SEMA5A: variants seen among roughly 807,000 people sequenced by gnomAD.
SEMA5A encodes semaphorin 5A.
SEMA5A carries 55 observed loss-of-function variants against 135.5 expected under a neutral mutation model. The ratio of observed to expected loss-of-function variants is 0.41; its 90% CI spans 0.33 to 0.51. The LOEUF is 0.51. SEMA5A is among the 20% of genes least tolerant of loss of function. SEMA5A has a pLI of 0.37. For missense variants in SEMA5A, 1,290 were observed against 1,419.9 expected (o/e 0.91, Z 1.47); for synonymous variants, 580 against 546.5 (o/e 1.06, Z -0.85).
chr5:9,373,824 A>G (rs1471242791), intron 3 of SEMA5A, among the ~76,000 whole-genome samples: 1 of 152,200 alleles, frequency 6.6e-6, no homozygotes, highest in Non-Finnish European at 1.5e-5. Context: ...AATAATGTGA[A>G]ATTGCTTCCC....
intron 5 of SEMA5A, among the ~76,000 whole-genome samples, chr5:9,294,075 G>C (rs1751214103): frequency 6.7e-6 from 1 of 149,924 alleles, no homozygotes; most frequent in African/African-American, 2.5e-5. Context: ...GAAAAAGAGA[G>C]ACATGAAAAT....
chr5:9,061,135 C>G (rs764339652), intron 18 of SEMA5A, among the ~76,000 whole-genome samples: 1 of 151,886 alleles, frequency 6.6e-6, no homozygotes, highest in Non-Finnish European at 1.5e-5. Flanking sequence ...GTCATAAACT[C>G]AGTAGCCAGT....
At chr5:9,272,092 C>T (rs1197664526) in intron 5 of SEMA5A, among the ~76,000 whole-genome samples, 1 of 152,082 alleles carries the variant, frequency 6.6e-6, no homozygotes, top group Admixed American at 6.5e-5. Context: ...CCCCACAGAG[C>T]TCAGCAACCT....
chr5:9,215,696 T>C (rs1746581548), intron 8 of SEMA5A, among the ~76,000 whole-genome samples: 1 of 152,212 alleles, frequency 6.6e-6, no homozygotes, highest in Non-Finnish European at 1.5e-5. Flanking sequence ...ACATTTCTGG[T>C]AGTTTCTGAT....
At chr5:9,318,167 C>T (rs542039371) in intron 5 of SEMA5A, among the ~76,000 whole-genome samples, 31 of 152,254 alleles carry the variant, frequency 2.0e-4, no homozygotes, top group African/African-American at 7.2e-4. Context: ...GGCCACCTGA[C>T]AGGAGGAAAA....
intron 16 of SEMA5A, among the ~76,000 whole-genome samples, chr5:9,094,656 T>C (rs986365652): frequency 2.0e-5 from 3 of 152,216 alleles, no homozygotes; most frequent in Admixed American, 6.5e-5. Flanking sequence ...TAAGACAGAT[T>C]TCACAGTCCT....
rs576188823 is a variant in SEMA5A, at chr5:9,269,909, G to C, written c.271-32019C>G. ...TTTACAGCTGCACAGAGAAGACTTAGTAGAGTAGGCCTGAGACTGTCATCC... is the reference window on the plus strand; with the variant it reads ...TTTACAGCTGCACAGAGAAGACTTACTAGAGTAGGCCTGAGACTGTCATCC... On this transcript the variant is annotated intron_variant, in intron 5 of 22. Transcript: ENST00000382496. Among the ~76,000 whole-genome samples, 6 of 152,226 alleles carry C rather than the reference G, an allele frequency of 3.9e-5. No homozygotes were observed. The East Asian group carries it at 1.2e-3, about 29-fold the overall frequency.
intron 5 of SEMA5A, among the ~76,000 whole-genome samples, chr5:9,274,745 G>A (rs370539034): frequency 2.0e-5 from 3 of 152,102 alleles, no homozygotes; most frequent in African/African-American, 4.8e-5. Context: ...GGTAAATAAC[G>A]AAATGATGGC....
chr5:9,506,322 A>C (rs1372330844), intron 1 of SEMA5A, among the ~76,000 whole-genome samples: 1 of 152,230 alleles, frequency 6.6e-6, no homozygotes, highest in Non-Finnish European at 1.5e-5. Context: ...GTATTAATAC[A>C]TGAAGATCTA....
intron 5 of SEMA5A, among the ~76,000 whole-genome samples, chr5:9,291,794 G>A (rs949465934): frequency 7.7e-6 from 1 of 129,616 alleles, no homozygotes; most frequent in Admixed American, 7.9e-5. Flanking sequence ...TTGGAATTTT[G>A]GAATTTTGGA....
chr5:9,398,202 G>A (rs1214641228), intron 2 of SEMA5A, among the ~76,000 whole-genome samples: 4 of 152,094 alleles, frequency 2.6e-5, no homozygotes, highest in Admixed American at 1.3e-4. Flanking sequence ...AAAAACACAC[G>A]TCAAGGAAAA....
chr5:9,526,278 T>A (rs2126882641), intron 1 of SEMA5A, among the ~76,000 whole-genome samples: 1 of 129,548 alleles, frequency 7.7e-6, no homozygotes, highest in East Asian at 2.2e-4. Flanking sequence ...TAAAAACATT[T>A]AAGTTTAACA....
Position 9,088,555 on chromosome 5 carries a change from G to A in SEMA5A, c.2073+19585C>T, listed in dbSNP as rs150155102. 3.9e-3 allele frequency among the ~76,000 whole-genome samples: 583 copies of A among 148,484 alleles called. 5 individuals are homozygous for A. Among genetic ancestry groups the A allele is most frequent in the African/African-American group, 0.014 (557 of 40,336 alleles). ...TTCAGATAGTACATTACAAAATGTC[G>A]GGAATGAGATGCATGGTTGTTCAAA... On this transcript the variant is annotated intron_variant, in intron 16 of 22. Coordinates refer to ENST00000382496, the MANE Select transcript of SEMA5A (RefSeq NM_003966.3).
chr5:9,252,595 A>G (rs1406754822), intron 5 of SEMA5A, among the ~76,000 whole-genome samples: 1 of 152,144 alleles, frequency 6.6e-6, no homozygotes, highest in African/African-American at 2.4e-5. Flanking sequence ...TACAGCAAAA[A>G]CTATCCCATG....
chr5:9,416,460 G>A (rs911244022), intron 2 of SEMA5A, among the ~76,000 whole-genome samples: 25 of 152,100 alleles, frequency 1.6e-4, no homozygotes, highest in African/African-American at 4.3e-4. Context: ...GGGGTGGTGC[G>A]GAAGGGCAGA....
At position 9,042,045 on chromosome 5, in the gene SEMA5A, G is replaced by A. The variant is rs1339380369; in HGVS notation, c.*852C>T. The A allele has an allele frequency of 6.6e-6, 1 of 152,220 alleles. No homozygotes were observed. Among genetic ancestry groups the A allele is most frequent in the African/African-American group, 2.4e-5 (1 of 41,452 alleles). 9.4% of individuals were successfully genotyped at this position (152,220 alleles called of 1,614,324 possible). On this transcript the variant is annotated 3_prime_UTR_variant, in exon 23 of 23. Coordinates refer to ENST00000382496, the MANE Select transcript of SEMA5A (RefSeq NM_003966.3). Reference sequence around the variant, plus strand: ...AGTCTATCCAAACGCTAAGTAAGTGGTTGGTTATTTTACAGACTGGCTCTT... The same window carrying A: ...AGTCTATCCAAACGCTAAGTAAGTGATTGGTTATTTTACAGACTGGCTCTT...
At position 9,227,846 on chromosome 5, in the gene SEMA5A, G is replaced by A. The variant is rs187377314; in HGVS notation, c.334-879C>T. The stretch of plus-strand genomic sequence containing the variant: ...ATTACAGGCGTGAGCCGCCACGCCC[G>A]GCCTGTATAGGCATTTTTAATTCAT... On this transcript the variant is annotated intron_variant, in intron 6 of 22. Coordinates refer to ENST00000382496, the MANE Select transcript of SEMA5A (RefSeq NM_003966.3). Among the ~76,000 whole-genome samples, 8 of 152,280 alleles carry A rather than the reference G, an allele frequency of 5.3e-5. No individual in the cohort carries two copies. The East Asian group carries it at 7.7e-4, about 15-fold the overall frequency.
intron 3 of SEMA5A, among the ~76,000 whole-genome samples, chr5:9,376,392 A>G (rs1056412306): frequency 2.0e-5 from 3 of 152,074 alleles, no homozygotes; most frequent in African/African-American, 7.2e-5. Flanking sequence ...TCCTTTCATA[A>G]GTTTTGTAAA....
At chr5:9,212,263 T>C (rs1368126765) in intron 8 of SEMA5A, among the ~76,000 whole-genome samples, 1 of 152,224 alleles carries the variant, frequency 6.6e-6, no homozygotes, top group Non-Finnish European at 1.5e-5. Flanking sequence ...AAGGCAAGTT[T>C]TATTGCTTTT....
Sources: allele counts gnomAD v4.1 joint callset (sites outside exome capture counted in the v4.1 genomes callset), GRCh38; gene constraint gnomAD v4.1.1; transcripts MANE v1.5; gene names NCBI Gene and HGNC (gene_info 2026-07-23, HGNC 2026-07-21).